The following SWAP70 variants were observed in gnomAD, a reference collection of about 807,000 sequenced individuals.
SWAP70 encodes the protein switching B cell complex subunit SWAP70.
Under a neutral mutation model 80.2 loss-of-function variants are expected in SWAP70, and 34 were observed. The ratio of observed to expected loss-of-function variants is 0.42; its 90% CI spans 0.32 to 0.56. SWAP70 has a LOEUF of 0.56. SWAP70 is among the 20% of genes least tolerant of loss of function. SWAP70 has a pLI of 0.09. For synonymous variants in SWAP70, 239 were observed against 238.5 expected (o/e 1.00, Z -0.02); for missense variants, 578 against 690.7 (o/e 0.84, Z 1.83).
At chr11:9,670,231 A>G (rs2134415017) in intron 1 of SWAP70, among the ~76,000 whole-genome samples, 1 of 152,280 alleles carries the variant, frequency 6.6e-6, no homozygotes, top group Middle Eastern at 3.4e-3. Flanking sequence ...GGGTCAAGGT[A>G]TGAGCCTTGA....
chr11:9,724,573 A>G, intron 3 of SWAP70, 85 bp from the exon 4 acceptor site: 1 of 1,002,076 alleles, frequency 1.0e-6, no homozygotes. Context: ...CCTAAGTTGA[A>G]CTTATCAGTG....
At chr11:9,716,934 C>T (rs577910829) in intron 3 of SWAP70, among the ~76,000 whole-genome samples, 1 of 152,242 alleles carries the variant, frequency 6.6e-6, no homozygotes, top group Non-Finnish European at 1.5e-5. Flanking sequence ...ATTGAACACG[C>T]TATGAGGTAG....
intron 4 of SWAP70, among the ~76,000 whole-genome samples, chr11:9,727,844 C>G (rs1851245639): frequency 6.6e-6 from 1 of 152,084 alleles, no homozygotes; most frequent in African/African-American, 2.4e-5. Context: ...TCTGAAGTGT[C>G]TGAAATTATA....
intron 2 of SWAP70, among the ~76,000 whole-genome samples, chr11:9,705,586 G>C (rs185610221): frequency 7.4e-6 from 1 of 134,542 alleles, no homozygotes; most frequent in South Asian, 2.5e-4. Flanking sequence ...GGTGATCTGT[G>C]TACACTTGGT....
At chr11:9,668,155 T>A (rs1036588381) in intron 1 of SWAP70, among the ~76,000 whole-genome samples, 1 of 152,294 alleles carries the variant, frequency 6.6e-6, no homozygotes, top group South Asian at 2.1e-4. Flanking sequence ...TCCCAAAGCA[T>A]TGGGATTATA....
intron 2 of SWAP70, chr11:9,703,511 A>G (rs1850860313): frequency 2.2e-6 from 1 of 455,988 alleles, no homozygotes; most frequent in South Asian, 1.5e-5. Context: ...TCTGGACTTG[A>G]TTGTCACTTC....
intron 2 of SWAP70, 122 bp downstream of exon 2, chr11:9,694,408 C>G (rs1850730399): frequency 8.7e-7 from 1 of 1,154,864 alleles, no homozygotes; most frequent in Non-Finnish European, 1.2e-6. Flanking sequence ...CTAGATAAAC[C>G]AGAAAGGAAG....
intron 2 of SWAP70, among the ~76,000 whole-genome samples, chr11:9,702,935 G>T (rs1428888730): frequency 1.3e-5 from 2 of 152,136 alleles, no homozygotes; most frequent in African/African-American, 4.8e-5. Context: ...GTTTTATTGA[G>T]ATATAAATTA....
intron 1 of SWAP70, among the ~76,000 whole-genome samples, chr11:9,674,286 A>G (rs776541338): frequency 6.6e-6 from 1 of 152,186 alleles, no homozygotes; most frequent in East Asian, 1.9e-4. Flanking sequence ...GCCAGGGACC[A>G]TGGATGAAAA....
intron 1 of SWAP70, among the ~76,000 whole-genome samples, chr11:9,686,344 C>CTTATTTATTTATTTAT (rs139472434): frequency 0.49 from 70,489 of 143,614 alleles, 18,040 homozygotes; most frequent in South Asian, 0.61. Context: ...CTTTTATTTT[C>CTTATTTATTTATTTAT]TTATTTATTT....
intron 1 of SWAP70, among the ~76,000 whole-genome samples, chr11:9,671,935 A>G (rs1264964021): frequency 1.8e-5 from 2 of 110,906 alleles, no homozygotes; most frequent in Non-Finnish European, 3.3e-5. Flanking sequence ...ATTATATTTT[A>G]TAATATATTT....
intron 2 of SWAP70, among the ~76,000 whole-genome samples, chr11:9,710,481 A>G (rs1403316403): frequency 1.3e-5 from 2 of 152,078 alleles, no homozygotes; most frequent in African/African-American, 2.4e-5. Flanking sequence ...TTTGCCAACT[A>G]CAAATTAAAG....
chr11:9,707,793 T>G (rs1850937953), intron 2 of SWAP70, among the ~76,000 whole-genome samples: 4 of 152,130 alleles, frequency 2.6e-5, no homozygotes, highest in Admixed American at 6.5e-5. Context: ...TGACTTCAAG[T>G]GATCCACCTG....
chr11:9,730,866 A>C (rs11607169), intron 6 of SWAP70, among the ~76,000 whole-genome samples: 6 of 152,080 alleles, frequency 3.9e-5, no homozygotes, highest in Non-Finnish European at 8.8e-5. Flanking sequence ...GGTATGATTG[A>C]ATCTATCACC....
At chr11:9,680,127 G>A (rs1349114239) in intron 1 of SWAP70, among the ~76,000 whole-genome samples, 2 of 152,064 alleles carry the variant, frequency 1.3e-5, no homozygotes, top group African/African-American at 4.8e-5. Context: ...CTTTTTGTTA[G>A]GCACCCTGGG....
intron 4 of SWAP70, among the ~76,000 whole-genome samples, chr11:9,725,528 AAAATAT>A (rs1382808561): frequency 4.0e-5 from 3 of 74,778 alleles, no homozygotes; most frequent in Non-Finnish European, 5.1e-5. Context: ...TTAAAAATAC[AAAATAT>A]ATATATATAT....
At chr11:9,706,647 A>G (rs1850918886) in intron 2 of SWAP70, among the ~76,000 whole-genome samples, 1 of 152,056 alleles carries the variant, frequency 6.6e-6, no homozygotes. Context: ...AAGTTTTGTC[A>G]TATATGTATA....
chr11:9,743,646 G>A (rs1050471563), intron 9 of SWAP70, among the ~76,000 whole-genome samples: 1 of 151,510 alleles, frequency 6.6e-6, no homozygotes, highest in African/African-American at 2.4e-5. Flanking sequence ...TTCTCTGATG[G>A]CCAGTGATGG....
intron 2 of SWAP70, among the ~76,000 whole-genome samples, chr11:9,710,569 C>G (rs1206561055): frequency 6.6e-6 from 1 of 151,808 alleles, no homozygotes; most frequent in Non-Finnish European, 1.5e-5. Context: ...TTGTTCATAT[C>G]TTTCTAAAAA....
Sources: allele counts gnomAD v4.1 joint callset (sites outside exome capture counted in the v4.1 genomes callset), GRCh38; gene constraint gnomAD v4.1.1; transcripts MANE v1.5; gene names NCBI Gene and HGNC (gene_info 2026-07-23, HGNC 2026-07-21).